The following GIGYF2 variants were observed in gnomAD, a reference collection of about 807,000 sequenced individuals.
GIGYF2 encodes the protein GRB10 interacting GYF protein 2.
In GIGYF2, 25 loss-of-function variants were observed where a neutral mutation model predicts 208.1. The ratio of observed to expected loss-of-function variants is 0.12; its 90% CI spans 0.09 to 0.17. The LOEUF is 0.17. Among genes scored for constraint, GIGYF2 ranks in the 10% least tolerant of loss-of-function variants. The pLI, the probability that GIGYF2 is intolerant of heterozygous loss-of-function variation, is 1.00. For missense variants in GIGYF2, 1,302 were observed against 1,579.4 expected, an observed-to-expected ratio of 0.82 and a Z score of 2.98; for synonymous variants, 534 against 543.8, an observed-to-expected ratio of 0.98 and a Z score of 0.25.
intron 14 of GIGYF2, among the ~76,000 whole-genome samples, chr2:232,804,952 A>G (rs950814141): frequency 6.6e-6 from 1 of 151,964 alleles, no homozygotes; most frequent in Admixed American, 6.5e-5. Context: ...TTGGTGGTCA[A>G]AGAAACATAC....
intron 1 of GIGYF2, among the ~76,000 whole-genome samples, chr2:232,702,245 C>T (rs889287500): frequency 4.6e-5 from 7 of 152,024 alleles, no homozygotes; most frequent in African/African-American, 1.4e-4. Context: ...TTGAGACCAG[C>T]CTGGCCAACA....
rs34551222 is a variant in GIGYF2, at chr2:232,821,939, ATT to A, written c.2529+1970_2529+1971del. ...TTTTGTCAAAGTCAATTGTATAAAT[ATT>A]TTTTTTTTTTTTTTTACTGGACTCT... is the stretch of plus-strand genomic sequence containing the variant. On this transcript the variant is annotated intron_variant, in intron 21 of 28. Coordinates refer to ENST00000373563, the MANE Select transcript of GIGYF2 (RefSeq NM_001103146.3). Among the ~76,000 whole-genome samples, 178 of 137,298 alleles carry A rather than the reference ATT, an allele frequency of 1.3e-3. 1 individual carries two copies. Among genetic ancestry groups the A allele is most frequent in the Middle Eastern group, 3.8e-3 (1 of 264 alleles). 90.1% of individuals were successfully genotyped at this position (137,298 alleles called of 152,430 possible).
rs1701612555 is a variant in GIGYF2 at position 232,836,306 on chromosome 2, ATATATATATATATATATATATATAC to A, written c.2766+3214_2766+3238del. Among the ~76,000 whole-genome samples the A allele has an allele frequency of 4.5e-4, 9 of 20,158 alleles. 2 individuals are homozygous for A. Among genetic ancestry groups the A allele is most frequent in the East Asian group, 1.7e-3 (2 of 1,210 alleles). 13.2% of individuals were successfully genotyped at this position (20,158 alleles called of 152,430 possible). On this transcript the variant is annotated intron_variant, in intron 22 of 28. Coordinates refer to ENST00000373563, the MANE Select transcript of GIGYF2 (RefSeq NM_001103146.3). Reference sequence around the variant, plus strand: ...TATATATATATATATATATATATATATATATATATATATATATATATATACATATATATACTTATATATTTATATA... The same window carrying A: ...TATATATATATATATATATATATATAATATATATACTTATATATTTATATA...
chr2:232,776,228 G>A (rs1442375828), intron 8 of GIGYF2, among the ~76,000 whole-genome samples: 1 of 151,998 alleles, frequency 6.6e-6, no homozygotes, highest in Non-Finnish European at 1.5e-5. Flanking sequence ...TAATAAAACA[G>A]TTAAGAAAAT....
intron 3 of GIGYF2, among the ~76,000 whole-genome samples, chr2:232,743,418 A>AT (rs34686382): frequency 6.6e-6 from 1 of 152,148 alleles, no homozygotes; most frequent in South Asian, 2.1e-4. Flanking sequence ...TCATATGTGG[A>AT]TTTTTTTAAC....
chr2:232,781,279 A>G (rs1351477564), intron 8 of GIGYF2, among the ~76,000 whole-genome samples: 4 of 102,236 alleles, frequency 3.9e-5, no homozygotes, highest in Non-Finnish European at 8.1e-5. Flanking sequence ...TTTAAATTAT[A>G]TCAGGAATAC....
chr2:232,753,399 C>T (rs1390758737), intron 5 of GIGYF2, among the ~76,000 whole-genome samples: 1 of 152,164 alleles, frequency 6.6e-6, no homozygotes, highest in African/African-American at 2.4e-5. Flanking sequence ...GATGGGATTA[C>T]AGGCATCTGC....
Position 232,787,336 on chromosome 2 carries a change from A to G in GIGYF2, c.712+7A>G. The G allele has an allele frequency of 6.2e-7, 1 of 1,612,860 alleles. No homozygotes were observed. Among genetic ancestry groups the G allele is most frequent in the Non-Finnish European group, 8.5e-7 (1 of 1,178,944 alleles). The stretch of plus-strand genomic sequence containing the variant: ...TGGCGACCTCACAGTCCTGGTAAGA[A>G]TTCTGTTGAGTAAAGGCACACAGGG... On this transcript the variant is annotated splice_region_variant and intron_variant, in intron 9 of 28. Transcript: ENST00000373563.
chr2:232,723,510 A>C (rs1422011870), intron 2 of GIGYF2, among the ~76,000 whole-genome samples: 4 of 148,156 alleles, frequency 2.7e-5, no homozygotes, highest in Non-Finnish European at 5.9e-5. Flanking sequence ...AGCTCACTGC[A>C]ACCCCGCCCC....
chr2:232,817,001 G>T lies in GIGYF2; in HGVS notation c.2339G>T (p.Arg780Leu), dbSNP rs754519471. The stretch of plus-strand genomic sequence containing the variant: ...CAGCAGGAAGAAGAAAGGAAAAGGC[G>T]AGAGGAAGAAGAACTTGCCCGAAGG... ...RRQQEEERKRREEEELARRKQ... is the reference protein window; with the variant it reads ...RRQQEEERKRLEEEELARRKQ... Residue 780 changes from arginine (R) to leucine (L), a missense_variant, in exon 20 of 29, where the codon CGA becomes CTA. Physicochemically the swap from Arg to Leu is moderately radical, Grantham distance 102. Coordinates refer to ENST00000373563, the MANE Select transcript of GIGYF2 (RefSeq NM_001103146.3). 6.2e-7 allele frequency: 1 copy of T among 1,613,754 alleles called. No individual in the cohort carries two copies. The highest frequency in any genetic ancestry group is 1.7e-5 in the Admixed American group (1 of 60,026).
In GIGYF2 at chr2:232,809,726, C is replaced by G; in HGVS notation, c.1813C>G (p.Leu605Val). The G allele has an allele frequency of 6.3e-7, 1 of 1,598,498 alleles. No individual in the cohort carries two copies. The highest frequency in any genetic ancestry group is 8.6e-7 in the Non-Finnish European group (1 of 1,165,736). The change falls in exon 16 of 29, where the codon CTG (leucine) becomes GTG (valine). Residue 605 changes from leucine to valine, a missense_variant. Transcript: ENST00000373563. Reference protein sequence around the residue: ...GPAPPPHMGELDQERLTRQQE... With the variant: ...GPAPPPHMGEVDQERLTRQQE... Reference sequence around the variant, plus strand: ...CTCACCACTTCATTCCTAGGGAGAGCTGGACCAGGAACGACTGACCAGGCA... The same window carrying G: ...CTCACCACTTCATTCCTAGGGAGAGGTGGACCAGGAACGACTGACCAGGCA...
Position 232,762,453 on chromosome 2 carries a change from A to T in GIGYF2, c.532+1017A>T, listed in dbSNP as rs1013836288. Among the ~76,000 whole-genome samples, 132 of 151,894 alleles carry T rather than the reference A, an allele frequency of 8.7e-4. 1 individual carries two copies. The highest frequency in any genetic ancestry group is 2.4e-4 in the Non-Finnish European group (16 of 67,950). ...TTTTTAGTTGAGATGGGGTTTCACT[A>T]TGTTGGCCAGGCTGATCTTGAACTC... On this transcript the variant is annotated intron_variant, in intron 8 of 28. Coordinates refer to ENST00000373563, the MANE Select transcript of GIGYF2 (RefSeq NM_001103146.3).
At chr2:232,768,203 T>C (rs1197822316) in intron 8 of GIGYF2, 1 of 1,614,074 alleles carries the variant, frequency 6.2e-7, no homozygotes, top group Admixed American at 1.7e-5. Flanking sequence ...ATTCTGTCAG[T>C]CCTGTTTCAG....
intron 2 of GIGYF2, among the ~76,000 whole-genome samples, chr2:232,722,868 T>G (rs1697008295): frequency 6.6e-6 from 1 of 152,242 alleles, no homozygotes. Context: ...AAACCCTACC[T>G]TATCATCTTC....
intron 2 of GIGYF2, chr2:232,705,537 C>T (rs1696059924): frequency 6.6e-6 from 1 of 152,288 alleles, no homozygotes; most frequent in Admixed American, 6.5e-5. Flanking sequence ...TCCCGAGTAG[C>T]TGGGATTACA....
chr2:232,843,133 C>CTGTGTGTG (rs201402877), intron 23 of GIGYF2: 33 of 145,254 alleles, frequency 2.3e-4, no homozygotes, highest in East Asian at 2.0e-3. Context: ...TGTGTTTATG[C>CTGTGTGTG]TGTGTGTGTG....
chr2:232,753,069 T>C (rs921860610), intron 5 of GIGYF2, among the ~76,000 whole-genome samples: 1 of 151,884 alleles, frequency 6.6e-6, no homozygotes, highest in African/African-American at 2.4e-5. Flanking sequence ...AATGGTAGCA[T>C]GCTGTGCACA....
chr2:232,709,143 T>C (rs1696267156), intron 2 of GIGYF2, among the ~76,000 whole-genome samples: 1 of 152,082 alleles, frequency 6.6e-6, no homozygotes, highest in Admixed American at 6.6e-5. Flanking sequence ...AAAAAGTTAC[T>C]TGTTACATGT....
intron 20 of GIGYF2, among the ~76,000 whole-genome samples, chr2:232,818,535 G>C (rs1446310): frequency 0.67 from 101,820 of 152,052 alleles, 34,779 homozygotes; most frequent in African/African-American, 0.78. Context: ...AGAGACTGTC[G>C]TTTCCCCCAT....
Sources: gnomAD v4.1 joint callset for allele counts (sites outside exome capture counted in the v4.1 genomes callset) on GRCh38, gnomAD v4.1.1 for gene constraint, MANE v1.5 for transcripts, NCBI Gene and HGNC (gene_info 2026-07-23, HGNC 2026-07-21) for gene names.